The following LTA variants were observed in gnomAD, a reference collection of about 807,000 sequenced individuals.
LTA encodes lymphotoxin alpha.
LTA carries 6 observed loss-of-function variants against 15.1 expected under a neutral mutation model. That is an observed-to-expected ratio of 0.40 (90% confidence interval 0.22 to 0.78). The LOEUF (loss-of-function observed/expected upper bound fraction) is 0.78, where lower values mean the gene tolerates loss of function less well. Ranked by LOEUF, LTA falls within the 30% of genes least tolerant of loss-of-function variation. LTA has a pLI of 0.38. For synonymous variants in LTA, 87 were observed against 107.3 expected, an observed-to-expected ratio of 0.81 and a Z score of 1.17; for missense variants, 173 against 249.5, an observed-to-expected ratio of 0.69 and a Z score of 2.06.
chr6:31,565,317 TG>T, the LTA span, among the ~76,000 whole-genome samples: 1 of 152,164 alleles, frequency 6.6e-6, no homozygotes, highest in African/African-American at 2.4e-5. Flanking sequence ...AGGGTCCTTG[TG>T]GGGTAGGGAA....
At chr6:31,571,862 A>G (rs375950519), upstream of LTA, among the ~76,000 whole-genome samples, 1 of 150,434 alleles carries the variant, frequency 6.6e-6, no homozygotes, top group Non-Finnish European at 1.5e-5. Context: ...TGTTTGGGAC[A>G]AGGACAGGGG....
At chr6:31,566,766 A>G in the LTA span, among the ~76,000 whole-genome samples, 7 of 150,546 alleles carry the variant, frequency 4.6e-5, no homozygotes, top group Admixed American at 2.0e-4. Context: ...AAGATGGTGT[A>G]CTTTCTCTAC....
At chr6:31,566,629 T>A in the LTA span, among the ~76,000 whole-genome samples, 1 of 110,124 alleles carries the variant, frequency 9.1e-6, no homozygotes, top group Non-Finnish European at 1.8e-5. Flanking sequence ...GACAGAGCGA[T>A]TCTGTCTTAA....
upstream of LTA, among the ~76,000 whole-genome samples, chr6:31,567,631 C>T (rs919578079): frequency 6.9e-6 from 1 of 145,110 alleles, no homozygotes; most frequent in Non-Finnish European, 1.5e-5. Flanking sequence ...TCTCCCTCCC[C>T]CTCTCTCCCC....
chr6:31,568,674 C>T (rs1770692414), upstream of LTA, among the ~76,000 whole-genome samples: 1 of 152,148 alleles, frequency 6.6e-6, no homozygotes, highest in South Asian at 2.1e-4. The surrounding 1 kb of genome is among the most constrained non-coding windows in gnomAD (Gnocchi z 4.1). Flanking sequence ...CACAAGACTC[C>T]AGTCATCAGC....
the LTA span, among the ~76,000 whole-genome samples, chr6:31,562,673 T>C: frequency 6.6e-6 from 1 of 151,514 alleles, no homozygotes; most frequent in Non-Finnish European, 1.5e-5. Flanking sequence ...AAGACTAGTA[T>C]GGCCAACATG....
chr6:31,563,084 C>T, the LTA span, among the ~76,000 whole-genome samples: 2 of 151,810 alleles, frequency 1.3e-5, no homozygotes, highest in Non-Finnish European at 2.9e-5. Flanking sequence ...CACTTGAACC[C>T]GAGAGGTAGA....
chr6:31,572,830 C>T lies in LTA; in HGVS notation c.88C>T (p.Pro30Ser), dbSNP rs1770920507. 6.2e-7 allele frequency: 1 copy of T among 1,611,714 alleles called. No individual in the cohort carries two copies. Among genetic ancestry groups the T allele is most frequent in the Non-Finnish European group, 8.5e-7 (1 of 1,179,912 alleles). ...LLLGLLLVLL[P>S]GAQGLPGVGL... Reference sequence around the variant, plus strand: ...TCTGGGGCTGCTGCTGGTTCTGCTGCCTGGGGCCCAGGTGAGGCAGCAGGA... The same window carrying T: ...TCTGGGGCTGCTGCTGGTTCTGCTGTCTGGGGCCCAGGTGAGGCAGCAGGA... The change falls in exon 2 of 4, where the codon CCT (proline) becomes TCT (serine). Residue 30 changes from proline to serine, a missense_variant. Pro to Ser is a moderately conservative substitution (Grantham distance 74, BLOSUM62 -1). Coordinates refer to ENST00000418386, the MANE Select transcript of LTA (RefSeq NM_000595.4).
upstream of LTA, among the ~76,000 whole-genome samples, chr6:31,567,678 G>A (rs12174951): frequency 0.028 from 673 of 24,274 alleles, 8 homozygotes; most frequent in East Asian, 0.075. Context: ...ACACACACAC[G>A]CACGCATGCA....
At chr6:31,568,653 T>G (rs1344446922), upstream of LTA, among the ~76,000 whole-genome samples, 2 of 152,210 alleles carry the variant, frequency 1.3e-5, no homozygotes, top group African/African-American at 4.8e-5. The surrounding 1 kb of genome is among the most constrained non-coding windows in gnomAD (Gnocchi z 4.1). Context: ...TGTATTTCCC[T>G]GAGTCTGGGG....
the LTA span, among the ~76,000 whole-genome samples, chr6:31,565,908 C>T: frequency 1.3e-5 from 2 of 152,118 alleles, no homozygotes; most frequent in African/African-American, 2.4e-5. Context: ...AGGCTGGGCG[C>T]GTTGGCTATG....
intron 1 of LTA, 82 bp from the exon 2 acceptor site, chr6:31,572,652 C>G (rs746868): frequency 0.61 from 580,468 of 947,558 alleles, 175,748 homozygotes; most frequent in African/African-American, 0.74. Context: ...GGGGGGTGCT[C>G]TCTCCCAGGG....
chr6:31,565,798 G>A, the LTA span, among the ~76,000 whole-genome samples: 5 of 152,106 alleles, frequency 3.3e-5, no homozygotes, highest in Admixed American at 3.3e-4. Context: ...CCATCTCCAT[G>A]GCTGCCACTA....
Position 31,572,456 on chromosome 6 carries a change from GT to G in LTA, c.-10+14del. 1.8e-6 allele frequency: 1 copy of G among 544,238 alleles called. No homozygotes were observed. The highest frequency in any genetic ancestry group is 3.3e-6 in the Non-Finnish European group (1 of 307,352). 33.7% of individuals were successfully genotyped at this position (544,238 alleles called of 1,614,324 possible). On this transcript the variant is annotated intron_variant, in intron 1 of 3. Coordinates refer to ENST00000418386, the MANE Select transcript of LTA (RefSeq NM_000595.4). ...CTGGGCCTGGGCCTTGGTGGGTTTG[GT>G]TTTGGTTTCCTTCTCTGTCTCTGAC...
chr6:31,572,577 G>A (rs572794573), intron 1 of LTA, 131 bp downstream of exon 1: 2 of 608,616 alleles, frequency 3.3e-6, no homozygotes, highest in Admixed American at 2.9e-5. Flanking sequence ...GTCTCCCTCT[G>A]CTCACCTTGG....
intron 1 of LTA, 30 bp from the exon 2 acceptor site, chr6:31,572,702 CTG>C (rs751570077): frequency 1.4e-6 from 2 of 1,450,552 alleles, no homozygotes; most frequent in Non-Finnish European, 1.9e-6. Flanking sequence ...GCCCCGCTCA[CTG>C]TCTCTCTCTC....
chr6:31,562,868 A>C, the LTA span, among the ~76,000 whole-genome samples: 1 of 151,292 alleles, frequency 6.6e-6, no homozygotes, highest in South Asian at 2.1e-4. Flanking sequence ...TCAAAAAAAA[A>C]AAAAAAAAAA....
the LTA span, among the ~76,000 whole-genome samples, chr6:31,565,232 A>G: frequency 2.1e-4 from 32 of 152,176 alleles, no homozygotes; most frequent in Non-Finnish European, 4.6e-4. Context: ...CCCAGAGGAA[A>G]ATGCTTTCAA....
At chr6:31,570,445 C>T (rs2043185005), upstream of LTA, among the ~76,000 whole-genome samples, 1 of 152,208 alleles carries the variant, frequency 6.6e-6, no homozygotes, top group African/African-American at 2.4e-5. Flanking sequence ...ACCCCTCTAA[C>T]ACTCTCCAAG....
Sources: allele counts gnomAD v4.1 joint callset (sites outside exome capture counted in the v4.1 genomes callset), GRCh38; gene constraint gnomAD v4.1.1; non-coding constraint Gnocchi (gnomAD v3.1); transcripts MANE v1.5; gene names NCBI Gene and HGNC (gene_info 2026-07-23, HGNC 2026-07-21).